The following HSPA14 variants were observed in gnomAD, a reference collection of about 807,000 sequenced individuals.
The protein encoded by HSPA14 is heat shock protein family A (Hsp70) member 14.
HSPA14 carries 37 observed loss-of-function variants against 65.5 expected under a neutral mutation model. The observed-to-expected ratio is 0.56, with a 90% CI of 0.43 to 0.74. HSPA14 has a LOEUF of 0.74. Ranked by LOEUF, HSPA14 falls within the 30% of genes least tolerant of loss-of-function variation. The pLI is 0.00. For synonymous variants in HSPA14, 203 were observed against 214.2 expected (o/e 0.95, Z 0.46); for missense variants, 564 against 607.6 (o/e 0.93, Z 0.75).
rs1420018322 is a variant in HSPA14 at position 14,854,141 on chromosome 10, G to A, written c.751G>A (p.Val251Met). The A allele has an allele frequency of 3.7e-6, 6 of 1,602,834 alleles. No individual in the cohort carries two copies. The highest frequency in any genetic ancestry group is 5.1e-6 in the Non-Finnish European group (6 of 1,177,068). The change falls in exon 9 of 14, where the codon GTG becomes ATG. Residue 251 changes from valine (V) to methionine (M), a missense_variant. By Grantham distance (21) the Val-to-Met change is conservative. Coordinates refer to ENST00000378372, the MANE Select transcript of HSPA14 (RefSeq NM_016299.4). ...TTAATTTAGATCCTTCAAACATGAT[G>A]TGAGAGGAAATGCGCGAGCCATGAT... ...SEFQRSFKHD[V>M]RGNARAMMKL...
chr10:14,849,729 C>G lies in HSPA14; in HGVS notation c.385C>G (p.His129Asp), dbSNP rs1834093228. The part of the protein sequence containing the change: ...LIFSKMKETA[H>D]SVLGSDANDV... ...TATTTTTTAATATGCAGAAACGGCA[C>G]ATTCTGTATTGGGCTCAGATGCAAA... Residue 129 changes from histidine to aspartate, a missense_variant, in exon 6 of 14, where the codon CAT (histidine) becomes GAT (aspartate). Physicochemically the swap from His to Asp is moderately conservative, Grantham distance 81. Coordinates refer to ENST00000378372, the MANE Select transcript of HSPA14 (RefSeq NM_016299.4). 4 of 1,601,148 alleles carry G rather than the reference C, an allele frequency of 2.5e-6. No homozygotes were observed. The highest frequency in any genetic ancestry group is 3.4e-6 in the Non-Finnish European group (4 of 1,175,454).
chr10:14,862,280 G>A (rs1301789760), intron 10 of HSPA14, among the ~76,000 whole-genome samples: 4 of 151,478 alleles, frequency 2.6e-5, no homozygotes, highest in Non-Finnish European at 4.4e-5. Flanking sequence ...CGCCTGCCTC[G>A]GCCTCCCAAA....
chr10:14,844,943 A>G, intron 3 of HSPA14: 1 of 985,436 alleles, frequency 1.0e-6, no homozygotes, highest in Non-Finnish European at 1.2e-6. Flanking sequence ...GAGCTTTCCA[A>G]GATTCCTTTT....
rs191923324 is a variant in HSPA14, at chr10:14,855,948, T to C, written c.993+5T>C. On this transcript the variant is annotated splice_donor_5th_base_variant and intron_variant, in intron 10 of 13. Coordinates refer to ENST00000378372, the MANE Select transcript of HSPA14 (RefSeq NM_016299.4). Reference sequence around the variant, plus strand: ...ACAGCAGATGATATCAACAAGGTAATGCTTTTACATTTTTCTTAACTATTT... The same window carrying C: ...ACAGCAGATGATATCAACAAGGTAACGCTTTTACATTTTTCTTAACTATTT... The C allele has an allele frequency of 4.0e-6, 6 of 1,485,156 alleles. No individual in the cohort carries two copies. The Admixed American group carries it at 8.5e-5, about 21-fold the overall frequency. 92.0% of individuals were successfully genotyped at this position (1,485,156 alleles called of 1,614,324 possible). A position where few individuals can be genotyped will look rare whatever the true frequency, so the allele number is the denominator to read the frequency against.
Position 14,849,819 on chromosome 10 carries a change from T to C in HSPA14, c.467+8T>C, listed in dbSNP as rs749976058. 2.4e-5 allele frequency: 37 copies of C among 1,550,350 alleles called. No individual in the cohort carries two copies. Among genetic ancestry groups the C allele is most frequent in the Non-Finnish European group, 3.1e-5 (35 of 1,124,756 alleles). Reference sequence around the variant, plus strand: ...GCAAAAAAATGCTCTTGGGTAAGTATATGGGGTTTATCTTACTGGCTTAAT... The same window carrying C: ...GCAAAAAAATGCTCTTGGGTAAGTACATGGGGTTTATCTTACTGGCTTAAT... On this transcript the variant is annotated splice_region_variant and intron_variant, in intron 6 of 13. Coordinates refer to ENST00000378372, the MANE Select transcript of HSPA14 (RefSeq NM_016299.4).
chr10:14,845,012 CTT>C (rs1834031395), intron 3 of HSPA14: 1 of 985,282 alleles, frequency 1.0e-6, no homozygotes. Flanking sequence ...AAGAGAACAG[CTT>C]TGTTTCCTCT....
intron 10 of HSPA14, among the ~76,000 whole-genome samples, chr10:14,861,781 A>C (rs1832751818): frequency 6.6e-6 from 1 of 152,046 alleles, no homozygotes; most frequent in Non-Finnish European, 1.5e-5. Context: ...TGGGAGGCCA[A>C]GGTGGGCAGA....
chr10:14,862,814 G>A (rs1343260096), intron 10 of HSPA14, among the ~76,000 whole-genome samples: 1 of 152,018 alleles, frequency 6.6e-6, no homozygotes, highest in African/African-American at 2.4e-5. Context: ...CAAGTAGCTG[G>A]GACCACAGGC....
At chr10:14,845,889 G>C (rs914396103) in intron 3 of HSPA14, 1 of 448,982 alleles carries the variant, frequency 2.2e-6, no homozygotes, top group African/African-American at 2.1e-5. Flanking sequence ...CTTTATCTCC[G>C]GATTGAGGGA....
chr10:14,852,352 C>T lies in HSPA14; in HGVS notation c.573-18C>T. ...TAAAATGTTATTCCCTGATAACTTA[C>T]TTTATCTTCTCTTGAAGCAATATTT... On this transcript the variant is annotated intron_variant, in intron 7 of 13. Coordinates refer to ENST00000378372, the MANE Select transcript of HSPA14 (RefSeq NM_016299.4). The T allele has an allele frequency of 6.2e-7, 1 of 1,604,956 alleles. No homozygotes were observed. The highest frequency in any genetic ancestry group is 8.5e-7 in the Non-Finnish European group (1 of 1,173,582).
At chr10:14,856,044 G>A in intron 10 of HSPA14, 101 bp downstream of exon 10, 1 of 694,320 alleles carries the variant, frequency 1.4e-6, no homozygotes, top group Non-Finnish European at 2.5e-6. Flanking sequence ...ATGCATTTAA[G>A]AATTTTCTTA....
intron 11 of HSPA14, 30 bp downstream of exon 11, chr10:14,867,325 G>A: frequency 6.8e-7 from 1 of 1,466,778 alleles, no homozygotes; most frequent in Non-Finnish European, 9.5e-7. Context: ...ACTAGTTAAG[G>A]TATGTTTAGC....
rs2131640002 is a variant in HSPA14, at chr10:14,848,589, TTATC to T, written c.222-18_222-15del. The T allele has an allele frequency of 6.3e-7, 1 of 1,590,182 alleles. No individual in the cohort carries two copies. The highest frequency in any genetic ancestry group is 1.3e-5 in the African/African-American group (1 of 74,378). ...TACTGATTTTAATACTTAGCTATCT[TTATC>T]TTTCTTTATGGACAGCTCCAGTGAT... On this transcript the variant is annotated splice_polypyrimidine_tract_variant and intron_variant, in intron 3 of 13. Transcript: ENST00000378372.
rs569861254 is a variant in HSPA14 at position 14,867,369 on chromosome 10, T to A, written c.1206+74T>A. The A allele has an allele frequency of 8.8e-5, 92 of 1,048,620 alleles. No individual in the cohort carries two copies. The East Asian group carries it at 2.2e-3, about 25-fold the overall frequency. The allele number at this position is 1,048,620 out of a possible 1,614,324, so 65.0% of individuals were successfully genotyped here. ...ACTTTACATAAAAATAGTAAATTAATTGCCATAAGTTTTTATACATACCAT... is the reference window on the plus strand; with the variant it reads ...ACTTTACATAAAAATAGTAAATTAAATGCCATAAGTTTTTATACATACCAT... On this transcript the variant is annotated intron_variant, in intron 11 of 13. Coordinates refer to ENST00000378372, the MANE Select transcript of HSPA14 (RefSeq NM_016299.4).
chr10:14,864,329 T>G (rs1383617055), intron 10 of HSPA14, among the ~76,000 whole-genome samples: 1 of 151,212 alleles, frequency 6.6e-6, no homozygotes, highest in East Asian at 1.9e-4. Context: ...TTTTTTTTAT[T>G]TTTATATATA....
intron 1 of HSPA14, among the ~76,000 whole-genome samples, chr10:14,839,498 G>A (rs1372669688): frequency 1.3e-5 from 2 of 151,442 alleles, no homozygotes. Flanking sequence ...CCGGGAGGCG[G>A]AAGTTGCAGT....
intron 3 of HSPA14, among the ~76,000 whole-genome samples, chr10:14,840,545 T>G (rs1189436425): frequency 6.6e-6 from 1 of 152,244 alleles, no homozygotes; most frequent in Non-Finnish European, 1.5e-5. Flanking sequence ...ATGTAGACAC[T>G]ATTGATTTTC....
At chr10:14,847,940 ACT>A (rs140328711) in intron 3 of HSPA14, among the ~76,000 whole-genome samples, 4 of 152,218 alleles carry the variant, frequency 2.6e-5, no homozygotes, top group African/African-American at 7.2e-5. Flanking sequence ...TCACGTACTG[ACT>A]CTGCCCCTTG....
chr10:14,844,150 T>G, intron 3 of HSPA14: 1 of 1,304,832 alleles, frequency 7.7e-7, no homozygotes, highest in Non-Finnish European at 9.8e-7. Context: ...CATCCTAGCT[T>G]TGTCACAGAT....
Sources: allele counts gnomAD v4.1 joint callset (sites outside exome capture counted in the v4.1 genomes callset), GRCh38; gene constraint gnomAD v4.1.1; transcripts MANE v1.5; gene names NCBI Gene and HGNC (gene_info 2026-07-23, HGNC 2026-07-21).